The following CALCR variants were observed in gnomAD, a reference collection of about 807,000 sequenced individuals.
The protein encoded by CALCR is calcitonin receptor.
A neutral mutation model predicts 59.5 loss-of-function variants in CALCR; 47 were observed. That is an observed-to-expected ratio of 0.79 (90% CI 0.63 to 1.01). CALCR has a LOEUF of 1.01. CALCR is among the 50% of genes least tolerant of loss of function. The pLI, the probability that CALCR is intolerant of heterozygous loss-of-function variation, is 0.00. For missense variants in CALCR, 566 were observed against 597.1 expected, an observed-to-expected ratio of 0.95 and a Z score of 0.54; for synonymous variants, 213 against 211.3, an observed-to-expected ratio of 1.01 and a Z score of -0.07.
intron 2 of CALCR, among the ~76,000 whole-genome samples, chr7:93,515,360 T>C (rs546539742): frequency 6.6e-6 from 1 of 152,102 alleles, no homozygotes; most frequent in East Asian, 1.9e-4. Context: ...CCCTGACTCA[T>C]TGTGTTTGTG....
intron 5 of CALCR, among the ~76,000 whole-genome samples, chr7:93,473,999 T>G (rs2115863560): frequency 6.6e-6 from 1 of 151,814 alleles, no homozygotes; most frequent in African/African-American, 2.4e-5. Flanking sequence ...TTTGCTGAAA[T>G]TCACACTAAA....
At chr7:93,450,934 A>T (rs1023232788) in intron 8 of CALCR, among the ~76,000 whole-genome samples, 2 of 151,986 alleles carry the variant, frequency 1.3e-5, no homozygotes, top group Non-Finnish European at 2.9e-5. Context: ...GTCTTATATG[A>T]TTCAGATATT....
intron 2 of CALCR, among the ~76,000 whole-genome samples, chr7:93,532,429 T>C (rs984478149): frequency 6.6e-6 from 1 of 152,000 alleles, no homozygotes; most frequent in Non-Finnish European, 1.5e-5. Context: ...CTTTTTGCCT[T>C]AGGCAGAGTA....
At chr7:93,483,844 G>A (rs1457681093) in intron 3 of CALCR, 2 of 365,008 alleles carry the variant, frequency 5.5e-6, no homozygotes, top group Non-Finnish European at 1.2e-5. Flanking sequence ...TTGTTTTTCT[G>A]AATAAACATC....
intron 2 of CALCR, among the ~76,000 whole-genome samples, chr7:93,533,295 A>G (rs998496506): frequency 1.3e-5 from 2 of 151,976 alleles, no homozygotes; most frequent in Non-Finnish European, 2.9e-5. Context: ...ATTTTGAATA[A>G]GCCAAAAGCA....
In CALCR at chr7:93,436,035, A is replaced by C. The variant is rs200643258; in HGVS notation, c.1066T>G (p.Phe356Val). 170 of 1,613,720 alleles carry C rather than the reference A, an allele frequency of 1.1e-4. No individual in the cohort carries two copies. The highest frequency in any genetic ancestry group is 6.7e-5 in the Admixed American group (4 of 59,988). ...GAAGGTCTCCAGGGAAAGACGACAA[A>C]CTGGATTCCCAGCAGGGGCACAAGG... is the stretch of plus-strand genomic sequence containing the variant. The part of the protein sequence containing the change: ...MILVPLLGIQ[F>V]VVFPWRPSNK... Residue 356 changes from phenylalanine to valine, a missense_variant, in exon 12 of 14, where the codon TTT (phenylalanine) becomes GTT (valine). Physicochemically the swap from Phe to Val is conservative, Grantham distance 50. Coordinates refer to ENST00000426151, the MANE Select transcript of CALCR (RefSeq NM_001742.4).
intron 8 of CALCR, among the ~76,000 whole-genome samples, chr7:93,453,483 A>G (rs1340299362): frequency 2.0e-5 from 3 of 152,142 alleles, no homozygotes; most frequent in African/African-American, 7.2e-5. Flanking sequence ...ATCGAGTGTC[A>G]CTTCACAACG....
intron 8 of CALCR, among the ~76,000 whole-genome samples, chr7:93,453,179 T>C (rs1280933434): frequency 6.6e-6 from 1 of 152,062 alleles, no homozygotes; most frequent in African/African-American, 2.4e-5. Context: ...GCCCTAATGA[T>C]AAAGCTAACA....
intron 2 of CALCR, among the ~76,000 whole-genome samples, chr7:93,555,805 A>C (rs969475119): frequency 6.6e-6 from 1 of 152,192 alleles, no homozygotes; most frequent in Non-Finnish European, 1.5e-5. Context: ...CAAGAACTTG[A>C]TAGGAAGGAA....
In CALCR at chr7:93,515,972, T is replaced by G. The variant is rs953953241; in HGVS notation, c.-26-28965A>C. 7.5e-5 allele frequency among the ~76,000 whole-genome samples: 11 copies of G among 147,222 alleles called. No homozygotes were observed. In the South Asian group the frequency reaches 2.3e-3, roughly 31 times the overall value. On this transcript the variant is annotated intron_variant, in intron 2 of 13. Transcript: ENST00000426151. The stretch of plus-strand genomic sequence containing the variant: ...TCTTTCAATAATCATAAAATAAAAA[T>G]TAAAAATATAAGAAAGCATTGAGTC...
chr7:93,494,181 A>C (rs1375155755), intron 2 of CALCR, among the ~76,000 whole-genome samples: 1 of 151,378 alleles, frequency 6.6e-6, no homozygotes, highest in Non-Finnish European at 1.5e-5. Context: ...TATGAAGGTG[A>C]ATATGTGGTG....
At chr7:93,528,395 T>A (rs1040450098) in intron 2 of CALCR, among the ~76,000 whole-genome samples, 2 of 152,224 alleles carry the variant, frequency 1.3e-5, no homozygotes, top group African/African-American at 4.8e-5. Context: ...GTCATTTACA[T>A]TAGGTATATC....
intron 2 of CALCR, among the ~76,000 whole-genome samples, chr7:93,496,269 TAGACATTAGCACTTTAA>T (rs1428142743): frequency 6.6e-6 from 1 of 151,490 alleles, no homozygotes; most frequent in African/African-American, 2.4e-5. Flanking sequence ...AGATTTACTA[TAGACATTAGCACTTTAA>T]AGACTCTAAT....
chr7:93,455,553 T>C (rs1315579327), intron 8 of CALCR, among the ~76,000 whole-genome samples: 1 of 152,078 alleles, frequency 6.6e-6, no homozygotes, highest in East Asian at 1.9e-4. Flanking sequence ...TAATTTTAAA[T>C]ATATGATTCT....
At chr7:93,503,425 C>CACAT (rs1411713446) in intron 2 of CALCR, among the ~76,000 whole-genome samples, 1 of 149,746 alleles carries the variant, frequency 6.7e-6, no homozygotes, top group Non-Finnish European at 1.5e-5. Flanking sequence ...CACACACACA[C>CACAT]ATACACATAC....
At chr7:93,428,137 T>C (rs1015694925) in intron 13 of CALCR, among the ~76,000 whole-genome samples, 1 of 152,216 alleles carries the variant, frequency 6.6e-6, no homozygotes, top group African/African-American at 2.4e-5. Flanking sequence ...GAAAGTTGTA[T>C]TGAAAAAAGC....
At chr7:93,484,124 G>T in intron 3 of CALCR, 1 of 328,792 alleles carries the variant, frequency 3.0e-6, no homozygotes, top group Admixed American at 3.0e-5. Context: ...TGGAAATTCA[G>T]CAGTGAACCA....
In CALCR at chr7:93,479,356, T is replaced by C. The variant is rs545627885; in HGVS notation, c.203A>G (p.Glu68Gly). 2 of 1,606,638 alleles carry C rather than the reference T, an allele frequency of 1.2e-6. No homozygotes were observed. Among genetic ancestry groups the C allele is most frequent in the Admixed American group, 1.7e-5 (1 of 58,590 alleles). ...TTCATATATATCCTTCTCTTTACCT[T>C]CTCCTTGGTATGCGGGTAACTGCTG... is the stretch of plus-strand genomic sequence containing the variant. ...RMQQLPAYQGEGPYCNRTWDG... is the reference protein window; with the variant it reads ...RMQQLPAYQGGGPYCNRTWDG... The change falls in exon 4 of 14, where the codon GAA (glutamate) becomes GGA (glycine). Residue 68 changes from glutamate (E) to glycine (G), a missense_variant and splice_region_variant. Coordinates refer to ENST00000426151, the MANE Select transcript of CALCR (RefSeq NM_001742.4).
intron 8 of CALCR, among the ~76,000 whole-genome samples, chr7:93,446,425 C>G (rs1364319433): frequency 6.6e-6 from 1 of 152,014 alleles, no homozygotes; most frequent in African/African-American, 2.4e-5. Flanking sequence ...CCTCATCTCT[C>G]TTTTTGTTTT....
Sources: allele counts gnomAD v4.1 joint callset (sites outside exome capture counted in the v4.1 genomes callset), GRCh38; gene constraint gnomAD v4.1.1; transcripts MANE v1.5; gene names NCBI Gene and HGNC (gene_info 2026-07-23, HGNC 2026-07-21).